The following SRGAP2B variants were observed in gnomAD, a reference collection of about 807,000 sequenced individuals.
SRGAP2B encodes the protein SLIT-ROBO Rho GTPase-activating protein 2B.
SRGAP2B carries 9 observed loss-of-function variants against 22.2 expected under a neutral mutation model. The observed-to-expected ratio is 0.41, with a 90% CI of 0.24 to 0.71. The LOEUF is 0.71. Ranked by LOEUF, SRGAP2B falls within the 30% of genes least tolerant of loss-of-function variation. SRGAP2B has a pLI of 0.35. For missense variants in SRGAP2B, 114 were observed against 235.8 expected (o/e 0.48, Z 3.38); for synonymous variants, 36 against 87.4 (o/e 0.41, Z 3.28).
chr1:144,970,456 A>T (rs1189158168), intron 3 of SRGAP2B, among the ~76,000 whole-genome samples: 1 of 119,948 alleles, frequency 8.3e-6, no homozygotes, highest in African/African-American at 3.5e-5. Flanking sequence ...ATGAGATCAC[A>T]TGGACACAGG....
At chr1:145,041,074 A>ACTAT in intron 2 of SRGAP2B, among the ~76,000 whole-genome samples, 1 of 73,356 alleles carries the variant, frequency 1.4e-5, no homozygotes, top group Non-Finnish European at 2.4e-5. Flanking sequence ...GTATATATAT[A>ACTAT]GTATATATAT....
chr1:145,002,555 GATAAAATAA>G (rs1218440890), intron 2 of SRGAP2B, among the ~76,000 whole-genome samples: 1 of 140,070 alleles, frequency 7.1e-6, no homozygotes, highest in Non-Finnish European at 1.5e-5. Flanking sequence ...ATCTCAAAAA[GATAAAATAA>G]ATAAAATAAA....
intron 5 of SRGAP2B, among the ~76,000 whole-genome samples, chr1:144,908,247 G>A (rs1663130372): frequency 6.7e-6 from 1 of 150,198 alleles, no homozygotes; most frequent in East Asian, 1.9e-4. Context: ...TCATGAAGGT[G>A]CATGATAAAG....
intron 4 of SRGAP2B, among the ~76,000 whole-genome samples, chr1:144,932,472 C>A (rs1266103276): frequency 6.6e-6 from 1 of 150,990 alleles, no homozygotes; most frequent in African/African-American, 2.5e-5. Context: ...AATATGTAGA[C>A]TTGAAACCAG....
chr1:144,904,105 C>T (rs1279443193), intron 7 of SRGAP2B, among the ~76,000 whole-genome samples: 1 of 147,508 alleles, frequency 6.8e-6, no homozygotes, highest in Non-Finnish European at 1.5e-5. Context: ...CCCTTTGCAT[C>T]ACATATTTTT....
intron 4 of SRGAP2B, among the ~76,000 whole-genome samples, chr1:144,929,493 G>T (rs1157451892): frequency 6.6e-6 from 1 of 150,620 alleles, no homozygotes; most frequent in Non-Finnish European, 1.5e-5. Flanking sequence ...TTATTTCCAG[G>T]TTTGTTTTTA....
intron 3 of SRGAP2B, among the ~76,000 whole-genome samples, chr1:144,977,763 C>T (rs1669002732): frequency 6.7e-6 from 1 of 150,250 alleles, no homozygotes; most frequent in Non-Finnish European, 1.5e-5. Context: ...TTCTGTAAGT[C>T]TAACATTATG....
intron 2 of SRGAP2B, among the ~76,000 whole-genome samples, chr1:145,061,570 T>TG (rs1553631452): frequency 1.3e-5 from 2 of 149,538 alleles, no homozygotes; most frequent in Admixed American, 6.6e-5. Flanking sequence ...AAAAGATTTG[T>TG]GAATATGTGT....
intron 2 of SRGAP2B, among the ~76,000 whole-genome samples, chr1:145,008,804 A>G (rs1299592169): frequency 7.5e-6 from 1 of 134,052 alleles, no homozygotes; most frequent in African/African-American, 3.0e-5. Flanking sequence ...TATATTTAGT[A>G]AAAAGATTAT....
intron 5 of SRGAP2B, 127 bp from the exon 6 acceptor site, chr1:144,906,201 A>AAGGG (rs1662982039): frequency 1.6e-6 from 1 of 606,624 alleles, no homozygotes; most frequent in East Asian, 2.8e-5. Context: ...CCTAAGGGAA[A>AAGGG]AATCCAGAAG....
chr1:144,979,734 G>A (rs1219328371), intron 3 of SRGAP2B, among the ~76,000 whole-genome samples: 3 of 150,998 alleles, frequency 2.0e-5, no homozygotes, highest in South Asian at 2.1e-4. Context: ...GACCTCCCCC[G>A]ACTCTCACTC....
rs587601955 is a variant in SRGAP2B, at chr1:145,020,808, T to C, written c.68-25608A>G. 7.4e-5 allele frequency among the ~76,000 whole-genome samples: 11 copies of C among 148,746 alleles called. No individual in the cohort carries two copies. In the South Asian group the frequency reaches 2.3e-3, roughly 32 times the overall value. ...GGGTCTTCTACTCTATTTTCTTCTC[T>C]TTTTTTTTTTTGAGACAGTCTCACT... is the stretch of plus-strand genomic sequence containing the variant. On this transcript the variant is annotated intron_variant, in intron 2 of 9. Coordinates refer to ENST00000612199, the Ensembl canonical transcript of SRGAP2B.
intron 4 of SRGAP2B, among the ~76,000 whole-genome samples, chr1:144,944,117 T>A (rs1666288325): frequency 6.7e-6 from 1 of 150,316 alleles, no homozygotes; most frequent in Non-Finnish European, 1.5e-5. Context: ...CAACCAGTAA[T>A]TTAATAGCCT....
intron 2 of SRGAP2B, among the ~76,000 whole-genome samples, chr1:145,044,262 C>T (rs1331586871): frequency 1.6e-5 from 2 of 127,980 alleles, no homozygotes; most frequent in Non-Finnish European, 1.6e-5. Flanking sequence ...AACAGGATCA[C>T]GTCAAAAGGC....
chr1:145,023,089 C>A (rs782477071), intron 2 of SRGAP2B, among the ~76,000 whole-genome samples: 3 of 148,138 alleles, frequency 2.0e-5, no homozygotes, highest in Non-Finnish European at 4.5e-5. Context: ...CACTTGAACC[C>A]GGGAGAGGCG....
At chr1:144,972,006 G>A (rs1324097562) in intron 3 of SRGAP2B, among the ~76,000 whole-genome samples, 1 of 150,362 alleles carries the variant, frequency 6.7e-6, no homozygotes, top group Non-Finnish European at 1.5e-5. Flanking sequence ...CCAGAGCGCA[G>A]AGCTATTCTA....
chr1:145,022,978 A>C (rs2102288503), intron 2 of SRGAP2B, among the ~76,000 whole-genome samples: 1 of 149,794 alleles, frequency 6.7e-6, no homozygotes, highest in East Asian at 2.0e-4. Flanking sequence ...CATCCTGGCA[A>C]ATGTGGTGAA....
rs1404545282 is a variant in SRGAP2B at position 144,997,155 on chromosome 1, G to A, written c.68-1955C>T. ...GTTCAGTAAGAACCAAGTGCCAGGC[G>A]CGGTGGCTCACGCCTGTAATCCCAG... On this transcript the variant is annotated intron_variant, in intron 2 of 9. Transcript: ENST00000612199. 1.3e-4 allele frequency among the ~76,000 whole-genome samples: 19 copies of A among 150,478 alleles called. 1 individual carries two copies. Among genetic ancestry groups the A allele is most frequent in the South Asian group, 1.2e-3 (6 of 4,814 alleles).
intron 4 of SRGAP2B, among the ~76,000 whole-genome samples, chr1:144,951,040 G>A (rs1553609271): frequency 6.6e-6 from 1 of 150,408 alleles, no homozygotes; most frequent in African/African-American, 2.5e-5. Flanking sequence ...TAGAGACGGG[G>A]TTTCACCATG....
Sources: allele counts gnomAD v4.1 joint callset (sites outside exome capture counted in the v4.1 genomes callset), GRCh38; gene constraint gnomAD v4.1.1; transcripts MANE v1.5; gene names NCBI Gene and HGNC (gene_info 2026-07-23, HGNC 2026-07-21).